The following SMYD3 variants were observed in gnomAD, a reference collection of about 807,000 sequenced individuals.
SMYD3 encodes SET and MYND domain containing 3, also known as histone-lysine N-methyltransferase SMYD3.
In SMYD3, 36 loss-of-function variants were observed where a neutral mutation model predicts 57.7. The ratio of observed to expected loss-of-function variants is 0.62; its 90% confidence interval spans 0.48 to 0.82. SMYD3 has a LOEUF of 0.82. SMYD3 is among the 40% of genes least tolerant of loss of function. The pLI is 0.00. For missense variants in SMYD3, 515 were observed against 538.8 expected (o/e 0.96, Z 0.44); for synonymous variants, 211 against 195.0 (o/e 1.08, Z -0.68).
chr1:245,967,513 T>C (rs1410608687), intron 5 of SMYD3, among the ~76,000 whole-genome samples: 1 of 151,508 alleles, frequency 6.6e-6, no homozygotes, highest in Non-Finnish European at 1.5e-5. Flanking sequence ...AAGTGTGGAG[T>C]TGTCTCTGAA....
intron 8 of SMYD3, among the ~76,000 whole-genome samples, chr1:245,905,098 A>G (rs779444802): frequency 1.3e-5 from 2 of 151,970 alleles, no homozygotes; most frequent in African/African-American, 2.4e-5. Context: ...AGTGACACCC[A>G]TGAATTACAT....
At chr1:245,814,862 G>GCA (rs150013782) in intron 10 of SMYD3, among the ~76,000 whole-genome samples, 4 of 147,280 alleles carry the variant, frequency 2.7e-5, no homozygotes, top group Non-Finnish European at 6.0e-5. Context: ...ACACACGCAA[G>GCA]CACACACACA....
intron 8 of SMYD3, among the ~76,000 whole-genome samples, chr1:245,905,284 G>A (rs1379395200): frequency 6.6e-6 from 1 of 151,966 alleles, no homozygotes; most frequent in African/African-American, 2.4e-5. Flanking sequence ...GGGTTCCTGG[G>A]GTCCCTGACT....
rs146259176 is a variant in SMYD3, at chr1:246,427,303, G to A, written c.165-72209C>T. On this transcript the variant is annotated intron_variant, in intron 1 of 11. Transcript: ENST00000490107. ...TGGGAGGCCGAGGCGGGCGGATCAC[G>A]AGGTCAGGAGATCGAGACCATCCCG... Among the ~76,000 whole-genome samples, 1,035 of 150,938 alleles carry A rather than the reference G, an allele frequency of 6.9e-3. 16 individuals are homozygous for A. The highest frequency in any genetic ancestry group is 0.023 in the African/African-American group (949 of 41,132).
chr1:246,357,183 CAGTT>C (rs1395440473), intron 1 of SMYD3, among the ~76,000 whole-genome samples: 3 of 152,164 alleles, frequency 2.0e-5, no homozygotes, highest in Non-Finnish European at 4.4e-5. Context: ...CATTCCCAGA[CAGTT>C]AGGGCATTCT....
intron 5 of SMYD3, among the ~76,000 whole-genome samples, chr1:246,259,757 T>C (rs2063968743): frequency 6.6e-6 from 1 of 152,184 alleles, no homozygotes; most frequent in East Asian, 1.9e-4. Flanking sequence ...CAGGTCCACC[T>C]AAAGGTCCCC....
intron 10 of SMYD3, among the ~76,000 whole-genome samples, chr1:245,834,443 G>A (rs1572470350): frequency 6.6e-6 from 1 of 152,162 alleles, no homozygotes; most frequent in Admixed American, 6.5e-5. Flanking sequence ...TTGGACCACT[G>A]TGAATGAGGA....
chr1:246,053,878 T>G (rs897756149), intron 5 of SMYD3, among the ~76,000 whole-genome samples: 4 of 151,912 alleles, frequency 2.6e-5, no homozygotes, highest in African/African-American at 9.7e-5. Context: ...AAAATATTTC[T>G]TAAATAAAAG....
chr1:246,160,672 C>T (rs1191711918), intron 5 of SMYD3, among the ~76,000 whole-genome samples: 1 of 152,184 alleles, frequency 6.6e-6, no homozygotes, highest in Non-Finnish European at 1.5e-5. Context: ...TGCTGTCTAA[C>T]CCCACATGAC....
chr1:246,018,337 T>C (rs1185670583), intron 5 of SMYD3, among the ~76,000 whole-genome samples: 1 of 152,134 alleles, frequency 6.6e-6, no homozygotes, highest in Admixed American at 6.5e-5. Flanking sequence ...TCCACGTGAA[T>C]GCTCTCACTC....
intron 10 of SMYD3, among the ~76,000 whole-genome samples, chr1:245,844,313 C>A (rs1365064521): frequency 2.0e-5 from 3 of 152,166 alleles, no homozygotes; most frequent in Admixed American, 1.3e-4. Flanking sequence ...ATACATGTAC[C>A]CCATCCTTTG....
intron 5 of SMYD3, among the ~76,000 whole-genome samples, chr1:246,300,943 A>G (rs1200499639): frequency 6.6e-6 from 1 of 152,164 alleles, no homozygotes; most frequent in African/African-American, 2.4e-5. Flanking sequence ...AGATCAGATA[A>G]TAGAAAACAC....
chr1:246,219,364 T>C (rs1400495134), intron 5 of SMYD3, among the ~76,000 whole-genome samples: 1 of 151,974 alleles, frequency 6.6e-6, no homozygotes, highest in Non-Finnish European at 1.5e-5. Context: ...CCTGACGGGG[T>C]AACTCTGGAG....
chr1:245,929,939 T>C lies in SMYD3; in HGVS notation c.532-2A>G. 2 of 1,613,084 alleles carry C rather than the reference T, an allele frequency of 1.2e-6. No individual in the cohort carries two copies. Among genetic ancestry groups the C allele is most frequent in the East Asian group, 2.2e-5 (1 of 44,848 alleles). On this transcript the variant is annotated splice_acceptor_variant, in intron 5 of 11. Coordinates refer to ENST00000490107, the MANE Select transcript of SMYD3 (RefSeq NM_001167740.2). LOFTEE classifies it high-confidence loss of function. ...GATGGTGAAAGAGTTGCAGATCACC[T>C]GTAAACACAAGGGGAACCATCAGTA...
chr1:246,105,362 T>C (rs531228579), intron 5 of SMYD3, among the ~76,000 whole-genome samples: 39 of 152,232 alleles, frequency 2.6e-4, no homozygotes, highest in African/African-American at 8.2e-4. Flanking sequence ...TAGGGTCATG[T>C]TTTATTTCAC....
chr1:245,828,191 C>T (rs1404655048), intron 10 of SMYD3, among the ~76,000 whole-genome samples: 1 of 152,186 alleles, frequency 6.6e-6, no homozygotes, highest in Admixed American at 6.5e-5. Flanking sequence ...ATTGCTTGCT[C>T]CTTAAGACGG....
intron 1 of SMYD3, among the ~76,000 whole-genome samples, chr1:246,374,223 A>G (rs1218727330): frequency 1.3e-5 from 2 of 152,228 alleles, no homozygotes. Context: ...GGTTTTGGCT[A>G]ATGACCTGTA....
In SMYD3 at chr1:245,793,239, AC is replaced by A. The variant is rs2047375254; in HGVS notation, c.1077-29091del. On this transcript the variant is annotated intron_variant, in intron 10 of 11. Coordinates refer to ENST00000490107, the MANE Select transcript of SMYD3 (RefSeq NM_001167740.2). ...CAGGAGAATCGCTTGAACCCAGGAG[AC>A]GGAGCTTGAAGTGAGCCGAGATCGT... is the stretch of plus-strand genomic sequence containing the variant. 8.6e-5 allele frequency among the ~76,000 whole-genome samples: 13 copies of A among 151,558 alleles called. No homozygotes were observed. The South Asian group carries it at 2.3e-3, about 27-fold the overall frequency.
At chr1:246,368,485 T>A (rs1252727452) in intron 1 of SMYD3, among the ~76,000 whole-genome samples, 1 of 152,138 alleles carries the variant, frequency 6.6e-6, no homozygotes, top group Admixed American at 6.5e-5. Flanking sequence ...AGAAAAAAAT[T>A]CATCTACAAC....
Sources: allele counts gnomAD v4.1 joint callset (sites outside exome capture counted in the v4.1 genomes callset), GRCh38; gene constraint gnomAD v4.1.1; transcripts MANE v1.5; gene names NCBI Gene and HGNC (gene_info 2026-07-23, HGNC 2026-07-21).